Variants in FUT9 observed in about 807,000 individuals in gnomAD.
The protein encoded by FUT9 is fucosyltransferase 9.
In FUT9, 15 loss-of-function variants were observed where a neutral mutation model predicts 29.7. The observed-to-expected ratio is 0.51, with a 90% CI of 0.34 to 0.78. The LOEUF (loss-of-function observed/expected upper bound fraction) is 0.78, where lower values mean the gene tolerates loss of function less well. Ranked by LOEUF, FUT9 falls within the 30% of genes least tolerant of loss-of-function variation. The pLI is 0.01. For missense variants in FUT9, 319 were observed against 425.4 expected (o/e 0.75, Z 2.20); for synonymous variants, 169 against 153.7 (o/e 1.10, Z -0.74).
chr6:96,067,363 G>A (rs1764356957), intron 1 of FUT9, among the ~76,000 whole-genome samples: 2 of 151,512 alleles, frequency 1.3e-5, no homozygotes, highest in Admixed American at 1.3e-4. Flanking sequence ...AAGACCTTGT[G>A]TACTTTGTCA....
chr6:96,052,809 T>C (rs1244281539), intron 1 of FUT9, among the ~76,000 whole-genome samples: 1 of 151,760 alleles, frequency 6.6e-6, no homozygotes, highest in Non-Finnish European at 1.5e-5. Flanking sequence ...AAAAAAAATC[T>C]GAAAAAAAAA....
At chr6:96,065,867 G>A (rs1052573929) in intron 1 of FUT9, among the ~76,000 whole-genome samples, 1 of 152,136 alleles carries the variant, frequency 6.6e-6, no homozygotes, top group Non-Finnish European at 1.5e-5. Flanking sequence ...ATAGATTGTT[G>A]TCGCAAGATA....
At chr6:96,142,162 A>G (rs1490263189) in intron 2 of FUT9, among the ~76,000 whole-genome samples, 1 of 152,232 alleles carries the variant, frequency 6.6e-6, no homozygotes, top group East Asian at 1.9e-4. Flanking sequence ...TATGGCAAAG[A>G]AAATCAATCC....
intron 2 of FUT9, 75 bp from the exon 3 acceptor site, chr6:96,203,073 T>C: frequency 9.2e-7 from 1 of 1,088,602 alleles, no homozygotes; most frequent in Non-Finnish European, 1.3e-6. Flanking sequence ...TGATTTTAAA[T>C]ATATCTCCAA....
intron 2 of FUT9, among the ~76,000 whole-genome samples, chr6:96,176,850 T>C (rs777227164): frequency 1.3e-5 from 2 of 152,200 alleles, no homozygotes; most frequent in Non-Finnish European, 2.9e-5. Flanking sequence ...CCTTTGGCGC[T>C]ATGACTTTTC....
At chr6:96,192,655 C>T (rs1460017406) in intron 2 of FUT9, among the ~76,000 whole-genome samples, 1 of 152,108 alleles carries the variant, frequency 6.6e-6, no homozygotes, top group East Asian at 1.9e-4. Flanking sequence ...TCAATGCCAT[C>T]CCTGTCAAGC....
chr6:96,173,212 A>G (rs1274709694), intron 2 of FUT9, among the ~76,000 whole-genome samples: 1 of 152,144 alleles, frequency 6.6e-6, no homozygotes, highest in Admixed American at 6.6e-5. Context: ...TCTTGCCTTA[A>G]GAATGCCTGT....
chr6:96,199,862 A>G (rs1773696726), intron 2 of FUT9, among the ~76,000 whole-genome samples: 1 of 152,146 alleles, frequency 6.6e-6, no homozygotes, highest in African/African-American at 2.4e-5. Context: ...AGCATTTATT[A>G]AGCATCTACT....
chr6:96,028,244 C>T (rs1770200521), intron 1 of FUT9, among the ~76,000 whole-genome samples: 1 of 151,446 alleles, frequency 6.6e-6, no homozygotes, highest in African/African-American at 2.4e-5. Flanking sequence ...TTCATGGAAA[C>T]ACTGCGTTAC....
At chr6:96,087,159 G>T (rs1488321020) in intron 1 of FUT9, among the ~76,000 whole-genome samples, 1 of 152,200 alleles carries the variant, frequency 6.6e-6, no homozygotes, top group Admixed American at 6.5e-5. Flanking sequence ...GGAAATTCAA[G>T]AGTTGCCTTA....
chr6:96,025,400 A>G (rs1052082630), intron 1 of FUT9, among the ~76,000 whole-genome samples: 2 of 151,762 alleles, frequency 1.3e-5, no homozygotes, highest in Non-Finnish European at 3.0e-5. Context: ...AGGACTGTCT[A>G]TCGCCCAGTG....
chr6:96,130,483 T>C (rs975778546), intron 2 of FUT9, among the ~76,000 whole-genome samples: 3 of 152,112 alleles, frequency 2.0e-5, no homozygotes, highest in African/African-American at 7.2e-5. Context: ...TTAACTCCCA[T>C]CCTTTTTTGA....
chr6:96,109,082 C>T (rs987649701), intron 1 of FUT9, among the ~76,000 whole-genome samples: 6 of 152,154 alleles, frequency 3.9e-5, no homozygotes, highest in Admixed American at 1.3e-4. Context: ...GATTTGGCTC[C>T]ATGACCTCTT....
At chr6:96,164,376 A>G (rs1308293799) in intron 2 of FUT9, among the ~76,000 whole-genome samples, 1 of 148,956 alleles carries the variant, frequency 6.7e-6, no homozygotes, top group African/African-American at 2.5e-5. Flanking sequence ...CTCCTGCCTC[A>G]GCCTCCTGAG....
intron 2 of FUT9, among the ~76,000 whole-genome samples, chr6:96,202,099 T>A (rs1773735561): frequency 1.3e-5 from 2 of 152,044 alleles, no homozygotes; most frequent in Non-Finnish European, 2.9e-5. Context: ...GCAACATGAA[T>A]TTCAAATGAC....
chr6:96,155,883 C>T (rs1269213292), intron 2 of FUT9, among the ~76,000 whole-genome samples: 2 of 152,110 alleles, frequency 1.3e-5, no homozygotes, highest in Non-Finnish European at 2.9e-5. Flanking sequence ...TAAATTTCTG[C>T]TGCTTAATCT....
chr6:96,026,419 C>T (rs887921725), intron 1 of FUT9, among the ~76,000 whole-genome samples: 4 of 151,018 alleles, frequency 2.6e-5, no homozygotes, highest in African/African-American at 9.8e-5. Flanking sequence ...TGACTATAAT[C>T]TATATAGATT....
intron 2 of FUT9, among the ~76,000 whole-genome samples, chr6:96,121,140 T>A (rs1265286191): frequency 6.6e-6 from 1 of 152,186 alleles, no homozygotes; most frequent in South Asian, 2.1e-4. Context: ...AAAATTAACA[T>A]TAATTTACTT....
chr6:96,164,863 T>C (rs1012262017), intron 2 of FUT9, among the ~76,000 whole-genome samples: 1 of 152,216 alleles, frequency 6.6e-6, no homozygotes, highest in Non-Finnish European at 1.5e-5. Flanking sequence ...AAAGTTTGTT[T>C]CTTGGTCACA....
Sources: gnomAD v4.1 joint callset for allele counts (sites outside exome capture counted in the v4.1 genomes callset) on GRCh38, gnomAD v4.1.1 for gene constraint, MANE v1.5 for transcripts, NCBI Gene and HGNC (gene_info 2026-07-23, HGNC 2026-07-21) for gene names.